Variants in NOP16 observed in about 807,000 individuals in gnomAD.
NOP16 encodes nucleolar protein 16.
A neutral mutation model predicts 22.7 loss-of-function variants in NOP16; 14 were observed. The ratio of observed to expected loss-of-function variants is 0.62; its 90% confidence interval spans 0.41 to 0.97. The LOEUF (loss-of-function observed/expected upper bound fraction) is 0.97. NOP16 is among the 50% of genes least tolerant of loss of function. The pLI is 0.00. For missense variants in NOP16, 198 were observed against 235.9 expected (o/e 0.84, Z 1.05); for synonymous variants, 80 against 83.6 (o/e 0.96, Z 0.23).
chr5:176,384,520 C>T (rs577075641), intron 4 of NOP16, 146 bp from the exon 5 acceptor site: 2 of 761,368 alleles, frequency 2.6e-6, no homozygotes, highest in East Asian at 5.2e-5. Context: ...GGCACAGTGG[C>T]TCATGCCTGT....
At position 176,385,214 on chromosome 5, in the gene NOP16, C is replaced by T. The variant is rs10042045; in HGVS notation, c.393+7G>A. On this transcript the variant is annotated splice_region_variant and intron_variant, in intron 4 of 4. Transcript: ENST00000614830. ...CCCAGCCAGCCCACGGGGCCTGAGCCGCTCACCTTATAGTCCTCCCCGTGG... is the reference window on the plus strand; with the variant it reads ...CCCAGCCAGCCCACGGGGCCTGAGCTGCTCACCTTATAGTCCTCCCCGTGG... 88 of 1,559,962 alleles carry T rather than the reference C, an allele frequency of 5.6e-5. No individual in the cohort carries two copies. Among genetic ancestry groups the T allele is most frequent in the Non-Finnish European group, 6.2e-5 (70 of 1,133,758 alleles).
chr5:176,385,441 C>G, intron 3 of NOP16, 114 bp from the exon 4 acceptor site: 2 of 682,000 alleles, frequency 2.9e-6, no homozygotes, highest in East Asian at 2.6e-5. Flanking sequence ...ACCACACCAA[C>G]CACCTGGGGG....
chr5:176,388,399 G>A, intron 1 of NOP16, 34 bp downstream of exon 1: 2 of 1,612,976 alleles, frequency 1.2e-6, no homozygotes, highest in South Asian at 2.2e-5. Flanking sequence ...TCCCGGCCGA[G>A]GCCCACGGCC....
At position 176,386,898 on chromosome 5, in the gene NOP16, C is replaced by T; in HGVS notation, c.228G>A (p.Met76Ile). The change falls in exon 3 of 5, where the codon ATG becomes ATA. Residue 76 changes from methionine to isoleucine, a missense_variant. Coordinates refer to ENST00000614830, the MANE Select transcript of NOP16 (RefSeq NM_016391.8). Reference sequence around the variant, plus strand: ...TAGGCCTCTCCTCTATGTCCACCTCCATGGCCTTCACCTGCAGAGAACAGA... The same window carrying T: ...TAGGCCTCTCCTCTATGTCCACCTCTATGGCCTTCACCTGCAGAGAACAGA... ...VPLRKRKVKA[M>I]EVDIEERPKE... The T allele has an allele frequency of 6.2e-7, 1 of 1,614,084 alleles. No homozygotes were observed. The highest frequency in any genetic ancestry group is 1.1e-5 in the South Asian group (1 of 91,080).
At chr5:176,388,023 G>A (rs79439905) in intron 2 of NOP16, among the ~76,000 whole-genome samples, 1 of 152,194 alleles carries the variant, frequency 6.6e-6, no homozygotes, top group African/African-American at 2.4e-5. Flanking sequence ...ACTGAGTAGA[G>A]GGGGTATGGG....
intron 3 of NOP16, 22 bp downstream of exon 3, chr5:176,386,818 G>A: frequency 6.2e-7 from 1 of 1,608,090 alleles, no homozygotes; most frequent in Non-Finnish European, 8.5e-7. Context: ...GTGACCTAAA[G>A]GAATATATGG....
At chr5:176,386,751 C>T (rs1225813466) in intron 3 of NOP16, 89 bp downstream of exon 3, 2 of 1,153,070 alleles carry the variant, frequency 1.7e-6, no homozygotes, top group Non-Finnish European at 2.6e-6. Context: ...CTTGGTTTCT[C>T]CATCTGCAAA....
chr5:176,387,921 A>G (rs1270996898), intron 2 of NOP16, among the ~76,000 whole-genome samples: 1 of 152,210 alleles, frequency 6.6e-6, no homozygotes, highest in African/African-American at 2.4e-5. Flanking sequence ...TCCAACTCTT[A>G]GGGAGTACTA....
At chr5:176,387,664 T>C (rs563728851) in intron 2 of NOP16, among the ~76,000 whole-genome samples, 2 of 152,350 alleles carry the variant, frequency 1.3e-5, no homozygotes, top group African/African-American at 2.4e-5. Context: ...CTTTTAATAG[T>C]TGTTGAAGCC....
At chr5:176,385,182 G>A (rs986391897) in intron 4 of NOP16, 39 bp downstream of exon 4, 1 of 1,171,134 alleles carries the variant, frequency 8.5e-7, no homozygotes, top group Non-Finnish European at 1.3e-6. Flanking sequence ...ATGGTCCAGG[G>A]CGCCTTCCCA....
At chr5:176,387,025 G>A in intron 2 of NOP16, 116 bp from the exon 3 acceptor site, 2 of 837,720 alleles carry the variant, frequency 2.4e-6, no homozygotes, top group Non-Finnish European at 4.0e-6. Flanking sequence ...CGGTTAGGTA[G>A]AAGTAGGTAA....
At chr5:176,386,978 C>T (rs959991628) in intron 2 of NOP16, 69 bp from the exon 3 acceptor site, 3 of 1,332,524 alleles carry the variant, frequency 2.3e-6, no homozygotes, top group African/African-American at 1.4e-5. Flanking sequence ...TCCTGCTTAT[C>T]CCAACACAAC....
chr5:176,386,557 C>A (rs1755857637), intron 3 of NOP16: 2 of 486,436 alleles, frequency 4.1e-6, no homozygotes, highest in Admixed American at 3.0e-5. Context: ...AAGCCATACC[C>A]ATGCCAGAGA....
At chr5:176,384,612 C>A in intron 4 of NOP16, 4 of 548,378 alleles carry the variant, frequency 7.3e-6, no homozygotes, top group Non-Finnish European at 1.3e-5. Flanking sequence ...CCCAGTGAGA[C>A]CCTGTCTCTC....
intron 1 of NOP16, 38 bp from the exon 2 acceptor site, chr5:176,388,381 G>C (rs758108765): frequency 6.2e-7 from 1 of 1,612,502 alleles, no homozygotes; most frequent in Non-Finnish European, 8.5e-7. Flanking sequence ...CCGTCATCTC[G>C]CGGACCGTCC....
chr5:176,384,640 C>G, intron 4 of NOP16: 1 of 495,820 alleles, frequency 2.0e-6, no homozygotes, highest in East Asian at 3.5e-5. Flanking sequence ...AATAAATTAA[C>G]CATCCTGTGG....
At chr5:176,386,956 A>G in intron 2 of NOP16, 47 bp from the exon 3 acceptor site, 1 of 1,522,734 alleles carries the variant, frequency 6.6e-7, no homozygotes, top group Non-Finnish European at 9.1e-7. Context: ...TTGATGAGGG[A>G]AAGTTATAGA....
At chr5:176,388,087 A>C (rs2113599571) in intron 2 of NOP16, 148 bp downstream of exon 2, 1 of 621,146 alleles carries the variant, frequency 1.6e-6, no homozygotes, top group South Asian at 1.9e-5. Flanking sequence ...CCCTTGCTCA[A>C]CGTCAGTTGA....
chr5:176,386,713 T>C (rs769395284), intron 3 of NOP16, 127 bp downstream of exon 3: 16 of 832,742 alleles, frequency 1.9e-5, no homozygotes, highest in Non-Finnish European at 3.0e-5. Flanking sequence ...CTGTGAACTT[T>C]GAACCAGCTC....
Sources: allele counts gnomAD v4.1 joint callset (sites outside exome capture counted in the v4.1 genomes callset), GRCh38; gene constraint gnomAD v4.1.1; transcripts MANE v1.5; gene names NCBI Gene and HGNC (gene_info 2026-07-23, HGNC 2026-07-21).